BARX2: variants seen among roughly 807,000 people sequenced by gnomAD.
BARX2 encodes BARX homeobox 2, also known as homeobox protein BarH-like 2.
Under a neutral mutation model 25.5 loss-of-function variants are expected in BARX2, and 11 were observed. The ratio of observed to expected loss-of-function variants is 0.43; its 90% CI spans 0.27 to 0.71. BARX2 has a LOEUF of 0.71. Among genes scored for constraint, BARX2 ranks in the 30% least tolerant of loss-of-function variants. The pLI is 0.19. For missense variants in BARX2, 360 were observed against 359.9 expected (o/e 1.00, Z 0.00); for synonymous variants, 137 against 149.5 (o/e 0.92, Z 0.61).
At chr11:129,437,076 C>A in intron 2 of BARX2, 25 bp downstream of exon 2, 1 of 1,518,846 alleles carries the variant, frequency 6.6e-7, no homozygotes, top group Non-Finnish European at 8.9e-7. Context: ...AAGGGACTCT[C>A]CGCAGTGAAG....
intron 2 of BARX2, among the ~76,000 whole-genome samples, chr11:129,438,629 T>C (rs7125741): frequency 0.22 from 34,096 of 152,122 alleles, 4,582 homozygotes; most frequent in African/African-American, 0.38. Context: ...ATTCTGTTAA[T>C]GAGGCACCGT....
chr11:129,396,810 A>G (rs559650328), intron 1 of BARX2, among the ~76,000 whole-genome samples: 62 of 152,272 alleles, frequency 4.1e-4, no homozygotes, highest in African/African-American at 1.5e-3. Context: ...TGTCTCCTAG[A>G]ACCCCTGAAC....
At chr11:129,378,703 A>C in intron 1 of BARX2, among the ~76,000 whole-genome samples, 1 of 151,384 alleles carries the variant, frequency 6.6e-6, no homozygotes. Context: ...TGCTGATTTA[A>C]GATTTAAAGA....
intron 1 of BARX2, among the ~76,000 whole-genome samples, chr11:129,429,987 C>G (rs1263459751): frequency 6.6e-6 from 1 of 152,160 alleles, no homozygotes; most frequent in Non-Finnish European, 1.5e-5. Flanking sequence ...TCGTGGTTTT[C>G]TAACTTTCTC....
chr11:129,442,839 G>T lies in BARX2; in HGVS notation c.493G>T (p.Asp165Tyr), dbSNP rs750219485. The T allele has an allele frequency of 1.2e-6, 2 of 1,613,610 alleles. No homozygotes were observed. Among genetic ancestry groups the T allele is most frequent in the South Asian group, 1.1e-5 (1 of 91,058 alleles). Residue 165 changes from aspartate (D) to tyrosine (Y), a missense_variant, in exon 3 of 4, where the codon GAC becomes TAC. Asp to Tyr is a radical substitution (Grantham distance 160). Transcript: ENST00000281437. ...TTTGTATCTTGTGCCTTCTAGGTTG[G>T]ACTTGGCTCAGTCTCTGGGACTCAC... ...QKYLSTPDRLDLAQSLGLTQL... is the reference protein window; with the variant it reads ...QKYLSTPDRLYLAQSLGLTQL...
At chr11:129,402,660 G>T (rs572645758) in intron 1 of BARX2, among the ~76,000 whole-genome samples, 1 of 152,278 alleles carries the variant, frequency 6.6e-6, no homozygotes, top group South Asian at 2.1e-4. Flanking sequence ...CCACTATTTT[G>T]TAAATACTGG....
Position 129,376,532 on chromosome 11 carries a change from G to A in BARX2, c.187+310G>A, listed in dbSNP as rs1327950261. On this transcript the variant is annotated intron_variant, in intron 1 of 3. Transcript: ENST00000281437. This position sits in a 1 kb window ranked among gnomAD's most constrained non-coding sequence, Gnocchi z 4.2. ...GCTGAAAGTTCAAACACTTGAGCAGGTTCAGCGTCTAAATCGTTGTTTCAG... is the reference window on the plus strand; with the variant it reads ...GCTGAAAGTTCAAACACTTGAGCAGATTCAGCGTCTAAATCGTTGTTTCAG... Among the ~76,000 whole-genome samples, 2 of 152,338 alleles carry A rather than the reference G, an allele frequency of 1.3e-5. No homozygotes were observed. Among genetic ancestry groups the A allele is most frequent in the Non-Finnish European group, 1.5e-5 (1 of 68,034 alleles).
chr11:129,378,998 T>G (rs1419231471), intron 1 of BARX2, among the ~76,000 whole-genome samples: 1 of 152,212 alleles, frequency 6.6e-6, no homozygotes, highest in African/African-American at 2.4e-5. Context: ...GATAATCACC[T>G]GACAGGAATT....
At position 129,385,151 on chromosome 11, in the gene BARX2, G is replaced by A. The variant is rs139046095; in HGVS notation, c.187+8929G>A. ...AGCCCAAAATGAAAGGACAAAATCG[G>A]TTGATGACAAGGAGATGGAGCAACA... On this transcript the variant is annotated intron_variant, in intron 1 of 3. Coordinates refer to ENST00000281437, the MANE Select transcript of BARX2 (RefSeq NM_003658.5). 2.0e-3 allele frequency among the ~76,000 whole-genome samples: 299 copies of A among 152,276 alleles called. 6 individuals carry two copies. The East Asian group carries it at 0.023, about 12-fold the overall frequency.
At chr11:129,441,660 G>A (rs1369811779) in intron 2 of BARX2, among the ~76,000 whole-genome samples, 2 of 152,116 alleles carry the variant, frequency 1.3e-5, no homozygotes, top group Non-Finnish European at 2.9e-5. Context: ...ATGTTGGCCA[G>A]GCTGGTCTCC....
At chr11:129,419,889 T>C (rs1861985247) in intron 1 of BARX2, among the ~76,000 whole-genome samples, 1 of 152,094 alleles carries the variant, frequency 6.6e-6, no homozygotes, top group African/African-American at 2.4e-5. Context: ...CAAGCGATTC[T>C]CATGCCTCGG....
rs1862394691 is a variant in BARX2, at chr11:129,451,188, A to G, written c.626A>G (p.Lys209Arg). 1.2e-6 allele frequency: 2 copies of G among 1,614,074 alleles called. No individual in the cohort carries two copies. The highest frequency in any genetic ancestry group is 1.7e-6 in the Non-Finnish European group (2 of 1,180,042). ...APTKPKGRPKKNSIPTSEEIE... is the reference protein window; with the variant it reads ...APTKPKGRPKRNSIPTSEEIE... ...ACAAAACCCAAAGGTCGCCCCAAGA[A>G]GAACTCCATCCCCACATCAGAAGAG... The change falls in exon 4 of 4, where the codon AAG (lysine) becomes AGG (arginine). Residue 209 changes from lysine (K) to arginine (R), a missense_variant. Transcript: ENST00000281437.
chr11:129,397,224 C>T (rs1403167070), intron 1 of BARX2, among the ~76,000 whole-genome samples: 1 of 150,384 alleles, frequency 6.6e-6, no homozygotes, highest in African/African-American at 2.5e-5. Flanking sequence ...TTCCAGACTG[C>T]AGTGAGCTGT....
chr11:129,412,068 T>C (rs1861894382), intron 1 of BARX2, among the ~76,000 whole-genome samples: 1 of 152,002 alleles, frequency 6.6e-6, no homozygotes, highest in Admixed American at 6.6e-5. Context: ...GTCAGGAGAT[T>C]GACACCATCC....
chr11:129,429,433 G>A (rs1862104041), intron 1 of BARX2, among the ~76,000 whole-genome samples: 1 of 152,134 alleles, frequency 6.6e-6, no homozygotes, highest in Admixed American at 6.5e-5. Flanking sequence ...GCTGAGACAG[G>A]AGGATTGTTT....
At chr11:129,383,954 G>C (rs1295388057) in intron 1 of BARX2, among the ~76,000 whole-genome samples, 1 of 152,004 alleles carries the variant, frequency 6.6e-6, no homozygotes, top group African/African-American at 2.4e-5. Context: ...GCTCACTGCA[G>C]GCTCTGCCTC....
intron 1 of BARX2, among the ~76,000 whole-genome samples, chr11:129,422,791 C>T (rs1862019998): frequency 6.7e-6 from 1 of 150,004 alleles, no homozygotes. Context: ...GAAACCTCTA[C>T]CTCCCAGGTT....
At chr11:129,442,398 C>CTGTGGGAGCCAGGTACA (rs2135414943) in intron 2 of BARX2, among the ~76,000 whole-genome samples, 1 of 152,290 alleles carries the variant, frequency 6.6e-6, no homozygotes, top group African/African-American at 2.4e-5. Context: ...GGAGAATCAC[C>CTGTGGGAGCCAGGTACA]TGCCGGAGGT....
chr11:129,425,490 T>C (rs768752840), intron 1 of BARX2, among the ~76,000 whole-genome samples: 1 of 152,158 alleles, frequency 6.6e-6, no homozygotes, highest in Non-Finnish European at 1.5e-5. Flanking sequence ...ACCATGTCCA[T>C]GTGCTAACTG....
Sources: gnomAD v4.1 joint callset for allele counts (sites outside exome capture counted in the v4.1 genomes callset) on GRCh38, gnomAD v4.1.1 for gene constraint, Gnocchi (gnomAD v3.1) non-coding constraint, MANE v1.5 for transcripts, NCBI Gene and HGNC (gene_info 2026-07-23, HGNC 2026-07-21) for gene names.